Variants in ANO2 observed in about 807,000 individuals in gnomAD.
ANO2 encodes the protein anoctamin 2, also known as anoctamin-2.
In ANO2, 101 loss-of-function variants were observed where a neutral mutation model predicts 124.2. That is an observed-to-expected ratio of 0.81 (90% CI 0.69 to 0.96). ANO2 has a LOEUF of 0.96. ANO2 is among the 40% of genes least tolerant of loss of function. The pLI, the probability that ANO2 is intolerant of heterozygous loss-of-function variation, is 0.00. For missense variants in ANO2, 1,293 were observed against 1,274.5 expected (o/e 1.01, Z -0.22); for synonymous variants, 486 against 482.5 (o/e 1.01, Z -0.09).
intron 3 of ANO2, among the ~76,000 whole-genome samples, chr12:5,883,632 G>C (rs549890737): frequency 6.6e-6 from 1 of 152,040 alleles, no homozygotes; most frequent in East Asian, 1.9e-4. Flanking sequence ...GCAGGGTGTG[G>C]AGGGGCTCTA....
chr12:5,640,796 G>A (rs187159384), intron 15 of ANO2, among the ~76,000 whole-genome samples: 29 of 152,314 alleles, frequency 1.9e-4, no homozygotes, highest in South Asian at 6.2e-4. Flanking sequence ...CTAGTTCAAC[G>A]ATTGTGGAAG....
At chr12:5,881,608 G>A (rs1938508435) in intron 3 of ANO2, among the ~76,000 whole-genome samples, 1 of 152,218 alleles carries the variant, frequency 6.6e-6, no homozygotes, top group South Asian at 2.1e-4. Context: ...ATCATGCTAA[G>A]AAGTCAAGGT....
In ANO2 at chr12:5,942,052, A is replaced by G. The variant is rs550419244; in HGVS notation, c.22+3144T>C. Among the ~76,000 whole-genome samples, 108 of 150,868 alleles carry G rather than the reference A, an allele frequency of 7.2e-4. 1 individual carries two copies. Among genetic ancestry groups the G allele is most frequent in the African/African-American group, 2.5e-3 (105 of 41,524 alleles). On this transcript the variant is annotated intron_variant, in intron 1 of 24. Transcript: ENST00000682330. Reference sequence around the variant, plus strand: ...CTGAAGGGAAAGGATAACAAATGGAAATGCGATTAAGAATTCTTCCTAAGA... The same window carrying G: ...CTGAAGGGAAAGGATAACAAATGGAGATGCGATTAAGAATTCTTCCTAAGA...
intron 3 of ANO2, among the ~76,000 whole-genome samples, chr12:5,873,243 C>CTCTCTCTCTCTCTG: frequency 7.5e-6 from 1 of 132,864 alleles, no homozygotes; most frequent in South Asian, 2.6e-4. Context: ...CTCTCTCTCT[C>CTCTCTCTCTCTCTG]TCTGTCTGTC....
intron 10 of ANO2, among the ~76,000 whole-genome samples, chr12:5,753,577 GT>G (rs1951498483): frequency 6.6e-6 from 1 of 151,704 alleles, no homozygotes; most frequent in South Asian, 2.1e-4. Context: ...TTTTATCAAC[GT>G]TTTATAGTTT....
chr12:5,839,878 T>TCC (rs149707396), intron 4 of ANO2, among the ~76,000 whole-genome samples: 5,255 of 152,202 alleles, frequency 0.035, 232 homozygotes, highest in African/African-American at 0.099. Flanking sequence ...CTTCCTGCCT[T>TCC]CCCCTTCTGG....
chr12:5,905,258 A>G (rs1290296488), intron 3 of ANO2, among the ~76,000 whole-genome samples: 2 of 150,318 alleles, frequency 1.3e-5, no homozygotes, highest in Non-Finnish European at 2.9e-5. Context: ...GACGGTGTGG[A>G]ATGTCAGCTC....
rs1182438225 is a variant in ANO2, at chr12:5,578,125, C to A, written c.2387-118G>T. On this transcript the variant is annotated intron_variant, in intron 21 of 24. Transcript: ENST00000682330. ...TACGGAGCAGCTTTGCTGGGCCCCC[C>A]CAGAATGGGCTTGTCTGGAAAGGCT... The A allele has an allele frequency of 3.0e-6, 4 of 1,332,212 alleles. No individual in the cohort carries two copies. In the African/African-American group the frequency reaches 4.4e-5, roughly 15 times the overall value. The allele number at this position is 1,332,212 out of a possible 1,614,324, so 82.5% of individuals were successfully genotyped here. A position where few individuals can be genotyped will look rare whatever the true frequency, so the allele number is the denominator to read the frequency against.
At chr12:5,903,678 G>GTGTGT (rs1565765485) in intron 3 of ANO2, among the ~76,000 whole-genome samples, 6 of 108,600 alleles carry the variant, frequency 5.5e-5, no homozygotes, top group African/African-American at 1.5e-4. Context: ...TGTGTGTGTG[G>GTGTGT]GTGTAGACAG....
At chr12:5,915,017 C>T (rs1941297574) in intron 3 of ANO2, among the ~76,000 whole-genome samples, 3 of 152,290 alleles carry the variant, frequency 2.0e-5, no homozygotes, top group South Asian at 4.1e-4. Flanking sequence ...CTCACCCACT[C>T]GCAGTCCCGC....
chr12:5,726,344 T>C (rs1338017723), intron 14 of ANO2, among the ~76,000 whole-genome samples: 1 of 152,184 alleles, frequency 6.6e-6, no homozygotes, highest in African/African-American at 2.4e-5. Flanking sequence ...AAACCACTAA[T>C]GTGGGGTAGC....
chr12:5,797,772 G>C (rs980462103), intron 10 of ANO2, among the ~76,000 whole-genome samples: 2 of 152,168 alleles, frequency 1.3e-5, no homozygotes, highest in African/African-American at 4.8e-5. Context: ...GGGACCGTGG[G>C]AGTGTTCCAG....
chr12:5,909,964 G>A (rs185105861), intron 3 of ANO2, among the ~76,000 whole-genome samples: 6 of 152,246 alleles, frequency 3.9e-5, no homozygotes, highest in East Asian at 3.9e-4. Flanking sequence ...ATAATTATCC[G>A]AGGCAACAAG....
chr12:5,797,092 C>G (rs1028784621), intron 10 of ANO2, among the ~76,000 whole-genome samples: 3 of 152,248 alleles, frequency 2.0e-5, no homozygotes, highest in Admixed American at 2.0e-4. Flanking sequence ...TCTTCCAGCA[C>G]AGACCATATG....
At chr12:5,909,388 T>A (rs1338596789) in intron 3 of ANO2, among the ~76,000 whole-genome samples, 1 of 152,222 alleles carries the variant, frequency 6.6e-6, no homozygotes, top group East Asian at 1.9e-4. Context: ...AAAAACTTTA[T>A]CAATTTTTTT....
chr12:5,818,925 C>T (rs1953698346), intron 7 of ANO2, among the ~76,000 whole-genome samples: 1 of 152,162 alleles, frequency 6.6e-6, no homozygotes, highest in African/African-American at 2.4e-5. Context: ...TAACTCCCAA[C>T]TTCAAAAGCA....
chr12:5,790,810 G>A (rs948275669), intron 10 of ANO2, among the ~76,000 whole-genome samples: 2 of 152,088 alleles, frequency 1.3e-5, no homozygotes, highest in African/African-American at 4.8e-5. Flanking sequence ...ACCACATCCA[G>A]TACAAAGCTC....
In ANO2 at chr12:5,628,687, TGC is replaced by T. The variant is rs111973914; in HGVS notation, c.1816+6463_1816+6464del. On this transcript the variant is annotated intron_variant, in intron 16 of 24. Coordinates refer to ENST00000682330, the MANE Select transcript of ANO2 (RefSeq NM_001364791.2). ...CAGAGAGTGTGTGTGTGTGTGTGTGTGCGCGCGCGCACGCGTGCGTGCACATG... is the reference window on the plus strand; with the variant it reads ...CAGAGAGTGTGTGTGTGTGTGTGTGTGCGCGCGCACGCGTGCGTGCACATG... Among the ~76,000 whole-genome samples the T allele has an allele frequency of 3.0e-3, 442 of 145,980 alleles. 11 individuals are homozygous for T. The highest frequency in any genetic ancestry group is 0.026 in the Admixed American group (394 of 15,110).
At position 5,722,673 on chromosome 12, in the gene ANO2, G is replaced by A. The variant is rs74614676; in HGVS notation, c.1545+9847C>T. Among the ~76,000 whole-genome samples the A allele has an allele frequency of 9.6e-3, 1,460 of 152,234 alleles. 19 individuals are homozygous for A. Among genetic ancestry groups the A allele is most frequent in the African/African-American group, 0.034 (1,394 of 41,518 alleles). ...TCCTATGGCACCCTGGGGTGTCTCG[G>A]GTTATTGGGAACCACGATCTGATGA... On this transcript the variant is annotated intron_variant, in intron 14 of 24. Transcript: ENST00000682330.
Sources: gnomAD v4.1 joint callset for allele counts (sites outside exome capture counted in the v4.1 genomes callset) on GRCh38, gnomAD v4.1.1 for gene constraint, MANE v1.5 for transcripts, NCBI Gene and HGNC (gene_info 2026-07-23, HGNC 2026-07-21) for gene names.